Variants in FANCB observed in about 807,000 individuals in gnomAD.
FANCB encodes the protein Fanconi anemia group B protein.
In FANCB, 5 loss-of-function variants were observed where a neutral mutation model predicts 38.9. The observed-to-expected ratio is 0.13, with a 90% CI of 0.07 to 0.27. The LOEUF (loss-of-function observed/expected upper bound fraction) is 0.27, where lower values mean the gene tolerates loss of function less well. Among genes scored for constraint, FANCB ranks in the 10% least tolerant of loss-of-function variants. The pLI is 1.00. For synonymous variants in FANCB, 236 were observed against 215.4 expected (o/e 1.10, Z -0.84); for missense variants, 573 against 602.7 (o/e 0.95, Z 0.52).
At chrX:14,697,978 A>C in the FANCB span, among the ~76,000 whole-genome samples, 1 of 111,756 alleles carries the variant, frequency 8.9e-6, no homozygotes, top group African/African-American at 3.3e-5. Context: ...CCACTATCAA[A>C]ATTGTCCTTG....
At chrX:14,851,852 T>C (rs1857081452) in intron 6 of FANCB, among the ~76,000 whole-genome samples, 2 of 111,988 alleles carry the variant, frequency 1.8e-5, no homozygotes, top group Admixed American at 1.9e-4. Flanking sequence ...TTTTGTTACG[T>C]TTTATTACAT....
chrX:14,738,788 G>C, the FANCB span, among the ~76,000 whole-genome samples: 1 of 111,951 alleles, frequency 8.9e-6, no homozygotes, highest in Non-Finnish European at 1.9e-5. Flanking sequence ...CTTCCAAGCA[G>C]CGCTAGCTTT....
chrX:14,779,922 A>T, the FANCB span, among the ~76,000 whole-genome samples: 1 of 111,297 alleles, frequency 9.0e-6, no homozygotes. Flanking sequence ...AGTTGATACT[A>T]AACATAATTT....
the FANCB span, among the ~76,000 whole-genome samples, chrX:14,803,694 T>TTTTC: frequency 1.8e-5 from 2 of 111,443 alleles, no homozygotes; most frequent in South Asian, 3.7e-4. Flanking sequence ...CTGCCAACTT[T>TTTTC]TTTCTTTCTT....
the FANCB span, among the ~76,000 whole-genome samples, chrX:14,781,642 T>C: frequency 9.1e-6 from 1 of 110,341 alleles, no homozygotes; most frequent in African/African-American, 3.3e-5. Context: ...AGTAAAGAGG[T>C]GGTTCAAGAA....
downstream of FANCB, among the ~76,000 whole-genome samples, chrX:14,840,698 G>A (rs2092352683): frequency 8.9e-6 from 1 of 112,262 alleles, no homozygotes; most frequent in Non-Finnish European, 1.9e-5. Context: ...AGCACTGCTT[G>A]TACATTTAGT....
chrX:14,830,363 C>A, the FANCB span, among the ~76,000 whole-genome samples: 1 of 111,094 alleles, frequency 9.0e-6, no homozygotes, highest in Non-Finnish European at 1.9e-5. Context: ...GTAGACTTGT[C>A]TGATGCAGGG....
the FANCB span, among the ~76,000 whole-genome samples, chrX:14,697,114 G>A: frequency 3.6e-5 from 4 of 110,374 alleles, no homozygotes; most frequent in African/African-American, 1.3e-4. Context: ...GATAACAAGA[G>A]CTAACATTTA....
In FANCB at chrX:14,843,762, A is replaced by G. The variant is rs1034395123; in HGVS notation, c.2385T>C (p.Ser795=). The change falls in exon 10 of 10, where the codon AGT becomes AGC. Residue 795 remains serine (S), a synonymous_variant. Coordinates refer to ENST00000650831, the MANE Select transcript of FANCB (RefSeq NM_001018113.3). ...CTGATAAAGCAGCCGCGACGACACT[A>G]CTCTTTCCTTTGCTCACTTCACACC... ...MQRCEVSKGK[S]SVVAAALSDR... The G allele has an allele frequency of 5.0e-6, 6 of 1,208,486 alleles. No individual in the cohort carries two copies. The African/African-American group carries it at 1.1e-4, about 21-fold the overall frequency.
chrX:14,783,382 C>T, the FANCB span, among the ~76,000 whole-genome samples: 2 of 111,775 alleles, frequency 1.8e-5, no homozygotes, highest in African/African-American at 6.5e-5. Context: ...CCTAAATCCC[C>T]AACCTCCCAA....
chrX:14,777,060 T>G, the FANCB span, among the ~76,000 whole-genome samples: 1 of 112,494 alleles, frequency 8.9e-6, no homozygotes, highest in African/African-American at 3.2e-5. Context: ...TGGCCTCATC[T>G]ACTGGTCTCC....
At chrX:14,854,268 G>C (rs1387229413) in intron 5 of FANCB, among the ~76,000 whole-genome samples, 1 of 111,316 alleles carries the variant, frequency 9.0e-6, no homozygotes, top group African/African-American at 3.3e-5. Flanking sequence ...TGAGCTACTG[G>C]AGGGGTGGGG....
the FANCB span, among the ~76,000 whole-genome samples, chrX:14,821,157 T>C: frequency 9.0e-6 from 1 of 111,589 alleles, no homozygotes; most frequent in Admixed American, 9.5e-5. Context: ...AAAGTAAATA[T>C]AGAAAATTAA....
chrX:14,828,720 G>T, the FANCB span, among the ~76,000 whole-genome samples: 9,050 of 110,712 alleles, frequency 0.082, 804 homozygotes, highest in African/African-American at 0.27. Context: ...GTTTATTTTT[G>T]TTGTTGTTGT....
At chrX:14,808,869 C>G in the FANCB span, among the ~76,000 whole-genome samples, 1 of 112,412 alleles carries the variant, frequency 8.9e-6, no homozygotes, top group Non-Finnish European at 1.9e-5. Context: ...AGTAAAGTAG[C>G]AGGATACAAA....
chrX:14,770,921 G>C, the FANCB span, among the ~76,000 whole-genome samples: 1 of 111,660 alleles, frequency 9.0e-6, no homozygotes, highest in Non-Finnish European at 1.9e-5. Flanking sequence ...CGAAATTTTG[G>C]GTTGGAAATT....
At chrX:14,717,699 G>A in the FANCB span, among the ~76,000 whole-genome samples, 287 of 100,443 alleles carry the variant, frequency 2.9e-3, 4 homozygotes, top group African/African-American at 0.011. Context: ...TGAATTAGAT[G>A]AGCTTGGATT....
chrX:14,844,059 C>A, intron 9 of FANCB, 78 bp from the exon 10 acceptor site: 1 of 799,550 alleles, frequency 1.3e-6, no homozygotes, highest in Non-Finnish European at 1.8e-6. Context: ...CTGCAGTAAT[C>A]AATTAATATT....
At chrX:14,702,139 G>A in the FANCB span, among the ~76,000 whole-genome samples, 3 of 111,796 alleles carry the variant, frequency 2.7e-5, no homozygotes, top group Admixed American at 9.5e-5. Context: ...TGTTAGAAAC[G>A]ACATGATGCT....
Sources: gnomAD v4.1 joint callset for allele counts (sites outside exome capture counted in the v4.1 genomes callset) on GRCh38, gnomAD v4.1.1 for gene constraint, MANE v1.5 for transcripts, NCBI Gene and HGNC (gene_info 2026-07-23, HGNC 2026-07-21) for gene names.